SASH1: variants seen among roughly 807,000 people sequenced by gnomAD.
SASH1 encodes SAM and SH3 domain-containing protein 1.
Under a neutral mutation model 125.2 loss-of-function variants are expected in SASH1, and 44 were observed. The observed-to-expected ratio is 0.35, with a 90% CI of 0.28 to 0.45. The LOEUF is 0.45. Among genes scored for constraint, SASH1 ranks in the 20% least tolerant of loss-of-function variants. The probability of loss-of-function intolerance (pLI) is 1.00; values close to 1 mark genes in which losing one functional copy is unlikely to be tolerated. For synonymous variants in SASH1, 639 were observed against 649.1 expected (o/e 0.98, Z 0.24); for missense variants, 1,426 against 1,614.5 (o/e 0.88, Z 2.00).
intron 1 of SASH1, among the ~76,000 whole-genome samples, chr6:148,326,374 A>ATATATATATATG (rs1384320272): frequency 1.2e-4 from 5 of 42,728 alleles, no homozygotes; most frequent in African/African-American, 3.0e-4. Context: ...ATATATATAT[A>ATATATATATATG]CATTCTTTTC....
chr6:148,241,255 G>T, the SASH1 span, among the ~76,000 whole-genome samples: 1 of 152,160 alleles, frequency 6.6e-6, no homozygotes, highest in Non-Finnish European at 1.5e-5. Flanking sequence ...ACTGAGACTC[G>T]CCTTCTCATC....
At chr6:148,280,704 A>G (rs1474555509) in intron 1 of SASH1, among the ~76,000 whole-genome samples, 4 of 152,098 alleles carry the variant, frequency 2.6e-5, no homozygotes, top group Admixed American at 2.6e-4. Flanking sequence ...GCTACTCGGG[A>G]GGCTGCAGCA....
intron 17 of SASH1, among the ~76,000 whole-genome samples, chr6:148,542,221 A>C (rs1782263171): frequency 1.3e-5 from 2 of 152,044 alleles, no homozygotes; most frequent in African/African-American, 2.4e-5. Context: ...AGAATGCAAA[A>C]ATGGAACTTA....
At chr6:148,313,657 G>A (rs1780397334) in intron 1 of SASH1, among the ~76,000 whole-genome samples, 1 of 152,060 alleles carries the variant, frequency 6.6e-6, no homozygotes, top group Admixed American at 6.6e-5. Flanking sequence ...GATGACATTT[G>A]TAGAGCAGAT....
chr6:148,200,018 G>GAAGAAA, the SASH1 span, among the ~76,000 whole-genome samples: 2 of 152,108 alleles, frequency 1.3e-5, no homozygotes, highest in Non-Finnish European at 2.9e-5. Context: ...TCTCATCTGC[G>GAAGAAA]ACCCTTGATG....
chr6:148,229,133 C>CAAA, the SASH1 span, among the ~76,000 whole-genome samples: 2,842 of 60,166 alleles, frequency 0.047, 347 homozygotes, highest in African/African-American at 0.13. Context: ...GACTCCATCT[C>CAAA]AAAAAAAAAA....
At chr6:148,391,758 G>A (rs1471448514) in intron 2 of SASH1, among the ~76,000 whole-genome samples, 4 of 152,178 alleles carry the variant, frequency 2.6e-5, no homozygotes, top group African/African-American at 2.4e-5. Context: ...AAAAGCGTCT[G>A]CATTTCTCAG....
Position 148,440,497 on chromosome 6 carries a change from G to A in SASH1, c.386+90G>A, listed in dbSNP as rs112584404. 379 of 1,068,600 alleles carry A rather than the reference G, an allele frequency of 3.5e-4. 5 individuals are homozygous for A. Among genetic ancestry groups the A allele is most frequent in the Middle Eastern group, 5.8e-4 (2 of 3,470 alleles). 66.2% of individuals were successfully genotyped at this position (1,068,600 alleles called of 1,614,324 possible). A position where few individuals can be genotyped will look rare whatever the true frequency, so the allele number is the denominator to read the frequency against. Reference sequence around the variant, plus strand: ...GGAAATCAAACAGGCGATCATGTGCGTATGTACTATGGAGTTATGCGATGT... The same window carrying A: ...GGAAATCAAACAGGCGATCATGTGCATATGTACTATGGAGTTATGCGATGT... On this transcript the variant is annotated intron_variant, in intron 4 of 19. Coordinates refer to ENST00000367467, the MANE Select transcript of SASH1 (RefSeq NM_015278.5).
intron 12 of SASH1, among the ~76,000 whole-genome samples, chr6:148,527,988 T>TGG (rs373045911): frequency 3.9e-4 from 45 of 115,186 alleles, no homozygotes; most frequent in Non-Finnish European, 6.4e-4. Flanking sequence ...TTTTTTTTTT[T>TGG]GGGGGGGGGG....
intron 12 of SASH1, among the ~76,000 whole-genome samples, chr6:148,530,244 AAATT>A (rs1407690132): frequency 6.6e-6 from 1 of 152,224 alleles, no homozygotes; most frequent in Admixed American, 6.5e-5. Context: ...TGTGATGAAT[AAATT>A]AATAATTTTT....
rs148800140 is a variant in SASH1, at chr6:148,441,920, C to T, written c.386+1513C>T. Among the ~76,000 whole-genome samples the T allele has an allele frequency of 5.1e-3, 776 of 152,262 alleles. 3 individuals carry two copies. Among genetic ancestry groups the T allele is most frequent in the Middle Eastern group, 0.01 (3 of 294 alleles). The stretch of plus-strand genomic sequence containing the variant: ...TTAACAAAAAATTTTAAACACACGC[C>T]CACTGTCTCCATTTGTAATATTGTC... On this transcript the variant is annotated intron_variant, in intron 4 of 19. Transcript: ENST00000367467.
At chr6:148,526,984 T>C (rs1364114163) in intron 11 of SASH1, among the ~76,000 whole-genome samples, 2 of 151,956 alleles carry the variant, frequency 1.3e-5, no homozygotes, top group African/African-American at 4.8e-5. Context: ...ACCATTCTCC[T>C]GCCTCAGCTT....
At chr6:148,424,113 T>C (rs1775699288) in intron 2 of SASH1, among the ~76,000 whole-genome samples, 1 of 152,140 alleles carries the variant, frequency 6.6e-6, no homozygotes, top group Non-Finnish European at 1.5e-5. Context: ...TTTATTCTAT[T>C]GTTGGACACC....
At chr6:148,398,101 GGA>G (rs1181051569) in intron 2 of SASH1, among the ~76,000 whole-genome samples, 1 of 152,180 alleles carries the variant, frequency 6.6e-6, no homozygotes, top group Non-Finnish European at 1.5e-5. Flanking sequence ...GGCCAAAAAT[GGA>G]GGGAGGGGTA....
chr6:148,439,189 GA>G (rs1776441038), intron 2 of SASH1, among the ~76,000 whole-genome samples: 1 of 152,152 alleles, frequency 6.6e-6, no homozygotes, highest in Non-Finnish European at 1.5e-5. Flanking sequence ...CTTGAACTAT[GA>G]AATGAGGGTG....
At chr6:148,358,117 A>G (rs1233268343) in intron 1 of SASH1, among the ~76,000 whole-genome samples, 2 of 150,182 alleles carry the variant, frequency 1.3e-5, no homozygotes, top group African/African-American at 4.9e-5. Flanking sequence ...GTTTTATCTT[A>G]GGTTTGGCTT....
chr6:148,510,445 G>T (rs1780047997), intron 8 of SASH1, among the ~76,000 whole-genome samples: 1 of 152,152 alleles, frequency 6.6e-6, no homozygotes, highest in East Asian at 1.9e-4. Flanking sequence ...TCTCATGTTT[G>T]AATGTGTGTG....
In SASH1 at chr6:148,408,265, G is replaced by A. The variant is rs6937872; in HGVS notation, c.285+18003G>A. On this transcript the variant is annotated intron_variant, in intron 2 of 19. Coordinates refer to ENST00000367467, the MANE Select transcript of SASH1 (RefSeq NM_015278.5). ...AGGGACTACAGGTGCCCGCCACCAC[G>A]CCCGGCTAATTTTTGTATTTTTAGT... is the stretch of plus-strand genomic sequence containing the variant. Among the ~76,000 whole-genome samples, 1,119 of 147,584 alleles carry A rather than the reference G, an allele frequency of 7.6e-3. 13 individuals are homozygous for A. Among genetic ancestry groups the A allele is most frequent in the African/African-American group, 0.026 (1,057 of 40,004 alleles).
chr6:148,421,126 A>AAGG (rs1785044221), intron 2 of SASH1, among the ~76,000 whole-genome samples: 9 of 82,352 alleles, frequency 1.1e-4, no homozygotes, highest in African/African-American at 2.9e-4. Flanking sequence ...AGAAAGGAAG[A>AAGG]AAGGAAGGAA....
Sources: allele counts gnomAD v4.1 joint callset (sites outside exome capture counted in the v4.1 genomes callset), GRCh38; gene constraint gnomAD v4.1.1; transcripts MANE v1.5; gene names NCBI Gene and HGNC (gene_info 2026-07-23, HGNC 2026-07-21).